Variants in PRKCE observed in about 807,000 individuals in gnomAD.
PRKCE encodes protein kinase C epsilon type.
Under a neutral mutation model 85.4 loss-of-function variants are expected in PRKCE, and 16 were observed. That is an observed-to-expected ratio of 0.19 (90% CI 0.13 to 0.28). The LOEUF is 0.28. PRKCE is among the 10% of genes least tolerant of loss of function. The probability of loss-of-function intolerance (pLI) is 1.00; values close to 1 mark genes in which losing one functional copy is unlikely to be tolerated. For synonymous variants in PRKCE, 388 were observed against 371.5 expected (o/e 1.04, Z -0.51); for missense variants, 573 against 975.2 (o/e 0.59, Z 5.49).
intron 1 of PRKCE, among the ~76,000 whole-genome samples, chr2:45,810,811 A>G (rs891113746): frequency 6.6e-6 from 1 of 152,210 alleles, no homozygotes; most frequent in Non-Finnish European, 1.5e-5. Context: ...GCAATTTTAT[A>G]GTAGGGCACA....
intron 2 of PRKCE, among the ~76,000 whole-genome samples, chr2:45,892,929 A>T (rs901294516): frequency 6.6e-6 from 1 of 152,162 alleles, no homozygotes; most frequent in Non-Finnish European, 1.5e-5. Flanking sequence ...ATGACTTCTC[A>T]AGGGCAGCAT....
intron 2 of PRKCE, among the ~76,000 whole-genome samples, chr2:45,846,741 G>A (rs141887652): frequency 2.6e-5 from 4 of 152,298 alleles, no homozygotes; most frequent in Non-Finnish European, 5.9e-5. Flanking sequence ...TTGAAATCCT[G>A]GCTCTAGTGT....
intron 11 of PRKCE, among the ~76,000 whole-genome samples, chr2:46,132,933 C>T (rs894223212): frequency 1.3e-5 from 2 of 152,220 alleles, no homozygotes; most frequent in East Asian, 1.9e-4. Context: ...TGCAGGAAGA[C>T]GTGCCTTCCC....
At chr2:45,719,681 A>G (rs1283522727) in intron 1 of PRKCE, among the ~76,000 whole-genome samples, 1 of 152,204 alleles carries the variant, frequency 6.6e-6, no homozygotes, top group Non-Finnish European at 1.5e-5. Context: ...TGGCATTTGG[A>G]TATGGCTTGG....
intron 1 of PRKCE, among the ~76,000 whole-genome samples, chr2:45,661,522 TG>T (rs1558533906): frequency 6.2e-4 from 63 of 101,548 alleles, no homozygotes; most frequent in African/African-American, 1.9e-3. Flanking sequence ...TTTTGTTTTT[TG>T]TTTTTTGTTT....
intron 11 of PRKCE, among the ~76,000 whole-genome samples, chr2:46,108,583 A>C (rs1364545750): frequency 2.6e-5 from 4 of 152,220 alleles, no homozygotes; most frequent in Admixed American, 2.0e-4. Flanking sequence ...GGCTGCACTG[A>C]AGACCCTGAC....
intron 1 of PRKCE, among the ~76,000 whole-genome samples, chr2:45,672,064 C>CAAAAA (rs3068989): frequency 1.7e-4 from 16 of 95,376 alleles, no homozygotes; most frequent in Non-Finnish European, 3.0e-4. Context: ...CCCCCTGTCT[C>CAAAAA]AAAAAAAAAA....
At position 46,108,508 on chromosome 2, in the gene PRKCE, A is replaced by G. The variant is rs546388395; in HGVS notation, c.1592+22146A>G. Among the ~76,000 whole-genome samples the G allele has an allele frequency of 3.9e-5, 6 of 152,190 alleles. No homozygotes were observed. In the South Asian group the frequency reaches 6.2e-4, roughly 16 times the overall value. The stretch of plus-strand genomic sequence containing the variant: ...GGAATGATGGACAGTGGAGACTCAG[A>G]GAGGTCAAGGGGAATGGGTGATAGG... On this transcript the variant is annotated intron_variant, in intron 11 of 14. Coordinates refer to ENST00000306156, the MANE Select transcript of PRKCE (RefSeq NM_005400.3).
chr2:45,746,340 C>A (rs931036467), intron 1 of PRKCE, among the ~76,000 whole-genome samples: 1 of 152,240 alleles, frequency 6.6e-6, no homozygotes, highest in Non-Finnish European at 1.5e-5. Context: ...AAACCAAACT[C>A]GGTTTTCCTT....
chr2:46,030,690 C>T (rs1024348419), intron 10 of PRKCE, among the ~76,000 whole-genome samples: 1 of 152,164 alleles, frequency 6.6e-6, no homozygotes, highest in African/African-American at 2.4e-5. Flanking sequence ...CATAATACTT[C>T]CCTGTAGCAA....
In PRKCE at chr2:45,907,742, C is replaced by T. The variant is rs919943309; in HGVS notation, c.412+64679C>T. On this transcript the variant is annotated intron_variant, in intron 2 of 14. Transcript: ENST00000306156. The surrounding 1 kb of genome is among the most constrained non-coding windows in gnomAD (Gnocchi z 4.5). ...ACTGCGCAGCTGTAGTACCTGAGGG[C>T]GTGACTGAGCCAATGGCCACCTCTG... Among the ~76,000 whole-genome samples, 3 of 152,206 alleles carry T rather than the reference C, an allele frequency of 2.0e-5. No individual in the cohort carries two copies. Among genetic ancestry groups the T allele is most frequent in the African/African-American group, 2.4e-5 (1 of 41,456 alleles).
At chr2:45,686,126 A>C (rs1278152374) in intron 1 of PRKCE, among the ~76,000 whole-genome samples, 3 of 152,172 alleles carry the variant, frequency 2.0e-5, no homozygotes, top group African/African-American at 4.8e-5. Context: ...AAAGGGAAGG[A>C]GTATGCAAGC....
intron 10 of PRKCE, chr2:46,010,790 C>T: frequency 6.3e-7 from 1 of 1,591,906 alleles, no homozygotes; most frequent in Non-Finnish European, 8.5e-7. Flanking sequence ...TCACTGTTTG[C>T]TCATTGGAAA....
At chr2:45,656,877 G>A (rs991873802) in intron 1 of PRKCE, among the ~76,000 whole-genome samples, 3 of 152,190 alleles carry the variant, frequency 2.0e-5, no homozygotes, top group African/African-American at 7.2e-5. Flanking sequence ...CCTGAAATGT[G>A]ACTGTATAAC....
intron 6 of PRKCE, among the ~76,000 whole-genome samples, chr2:45,996,085 G>A (rs1704192736): frequency 6.6e-6 from 1 of 152,040 alleles, no homozygotes. Context: ...TATTTTGTGA[G>A]ATTTATATGT....
intron 2 of PRKCE, among the ~76,000 whole-genome samples, chr2:45,923,551 C>T (rs1278074378): frequency 6.6e-6 from 1 of 152,206 alleles, no homozygotes. Context: ...TTTCTGTCAA[C>T]CAGCCAGGTG....
At chr2:45,943,154 A>C (rs1453153243) in intron 2 of PRKCE, among the ~76,000 whole-genome samples, 1 of 152,228 alleles carries the variant, frequency 6.6e-6, no homozygotes, top group Non-Finnish European at 1.5e-5. Flanking sequence ...TTAAGAGCTC[A>C]TTTTAGGTAA....
At chr2:45,742,590 G>A (rs1048866417) in intron 1 of PRKCE, among the ~76,000 whole-genome samples, 1 of 152,150 alleles carries the variant, frequency 6.6e-6, no homozygotes, top group Non-Finnish European at 1.5e-5. Flanking sequence ...ACACCTGTAA[G>A]AATCAGTATT....
At chr2:45,716,720 AAGGAAGGAAGGAAAGT>A (rs1411268665) in intron 1 of PRKCE, among the ~76,000 whole-genome samples, 1,806 of 56,662 alleles carry the variant, frequency 0.032, 44 homozygotes, top group African/African-American at 0.1. Flanking sequence ...GGAAGGAAGG[AAGGAAGGAAGGAAAGT>A]AGGAAGGAAC....
Sources: gnomAD v4.1 joint callset for allele counts (sites outside exome capture counted in the v4.1 genomes callset) on GRCh38, gnomAD v4.1.1 for gene constraint, Gnocchi (gnomAD v3.1) non-coding constraint, MANE v1.5 for transcripts, NCBI Gene and HGNC (gene_info 2026-07-23, HGNC 2026-07-21) for gene names.